Variants in UNC13C observed in about 807,000 individuals in gnomAD.
UNC13C encodes the protein protein unc-13 homolog C.
Under a neutral mutation model 245.4 loss-of-function variants are expected in UNC13C, and 174 were observed. The observed-to-expected ratio is 0.71, with a 90% CI of 0.63 to 0.80. The LOEUF is 0.80. Among genes scored for constraint, UNC13C ranks in the 30% least tolerant of loss-of-function variants. UNC13C has a pLI of 0.00. For missense variants in UNC13C, 2,829 were observed against 2,602.9 expected (o/e 1.09, Z -1.89); for synonymous variants, 992 against 895.1 (o/e 1.11, Z -1.93).
chr15:53,891,562 A>G, the UNC13C span, among the ~76,000 whole-genome samples: 3 of 152,184 alleles, frequency 2.0e-5, no homozygotes, highest in Non-Finnish European at 4.4e-5. Flanking sequence ...GTACATATAT[A>G]TTTAAGATAG....
At position 54,358,269 on chromosome 15, in the gene UNC13C, T is replaced by C. The variant is rs527660808; in HGVS notation, c.4713+19780T>C. 5.3e-5 allele frequency among the ~76,000 whole-genome samples: 8 copies of C among 152,244 alleles called. No individual in the cohort carries two copies. The East Asian group carries it at 1.4e-3, about 26-fold the overall frequency. On this transcript the variant is annotated intron_variant, in intron 17 of 32. Coordinates refer to ENST00000260323, the MANE Select transcript of UNC13C (RefSeq NM_001080534.3). ...AGGTAGTATGATGCCTCCAGCTTCA[T>C]TCTTTTTGATTAAAATTGCTTTGGA...
intron 4 of UNC13C, among the ~76,000 whole-genome samples, chr15:54,224,249 G>A (rs2035310432): frequency 6.6e-6 from 1 of 152,060 alleles, no homozygotes; most frequent in Non-Finnish European, 1.5e-5. Context: ...TCCCCATTCA[G>A]TATGTTACTA....
At chr15:54,142,916 A>G in intron 2 of UNC13C, 102 bp from the exon 3 acceptor site, 2 of 1,014,274 alleles carry the variant, frequency 2.0e-6, no homozygotes, top group South Asian at 1.4e-5. Context: ...ATAATTTTAA[A>G]CAATGTAACA....
the UNC13C span, among the ~76,000 whole-genome samples, chr15:53,880,127 A>G: frequency 1.1e-4 from 17 of 152,168 alleles, no homozygotes; most frequent in African/African-American, 3.9e-4. Context: ...ATAATTCTGC[A>G]TTATTAAATG....
At chr15:54,277,692 T>C (rs1353629408) in intron 10 of UNC13C, among the ~76,000 whole-genome samples, 1 of 152,184 alleles carries the variant, frequency 6.6e-6, no homozygotes, top group Non-Finnish European at 1.5e-5. Flanking sequence ...CTTTAATAAA[T>C]ATTTAATTTT....
intron 19 of UNC13C, among the ~76,000 whole-genome samples, chr15:54,447,604 G>A (rs1245415612): frequency 2.6e-5 from 4 of 152,038 alleles, no homozygotes; most frequent in East Asian, 1.9e-4. Context: ...TATTTCTGTG[G>A]GATCGATGGT....
At chr15:54,362,505 T>C (rs1157359221) in intron 17 of UNC13C, among the ~76,000 whole-genome samples, 1 of 152,202 alleles carries the variant, frequency 6.6e-6, no homozygotes, top group Non-Finnish European at 1.5e-5. Flanking sequence ...AATTATATTT[T>C]TGTGGGAGTA....
the UNC13C span, chr15:53,914,032 G>A: frequency 6.6e-6 from 1 of 150,950 alleles, no homozygotes; most frequent in East Asian, 1.9e-4. Flanking sequence ...GTATGTGATG[G>A]GCTTGTGTGC....
chr15:54,170,088 T>A (rs2033337626), intron 4 of UNC13C, among the ~76,000 whole-genome samples: 1 of 151,632 alleles, frequency 6.6e-6, no homozygotes. Flanking sequence ...ATTTAAACAT[T>A]GAATGCTATC....
rs1038108559 is a variant in UNC13C at position 54,189,078 on chromosome 15, T to C, written c.3071+45394T>C. Among the ~76,000 whole-genome samples the C allele has an allele frequency of 5.3e-5, 8 of 152,126 alleles. No individual in the cohort carries two copies. The East Asian group carries it at 1.5e-3, about 29-fold the overall frequency. On this transcript the variant is annotated intron_variant, in intron 4 of 32. Transcript: ENST00000260323. Reference sequence around the variant, plus strand: ...CAACTACTGGTAGATAATTCAGAGATTTATGCACCAAAAATAATAAAATAG... The same window carrying C: ...CAACTACTGGTAGATAATTCAGAGACTTATGCACCAAAAATAATAAAATAG...
chr15:54,037,318 C>T (rs1285999226), intron 2 of UNC13C, among the ~76,000 whole-genome samples: 2 of 152,166 alleles, frequency 1.3e-5, no homozygotes, highest in Non-Finnish European at 2.9e-5. Flanking sequence ...GTTTTTTCCA[C>T]CCTGAGCATC....
At chr15:53,913,538 T>C in the UNC13C span, 1 of 152,276 alleles carries the variant, frequency 6.6e-6, no homozygotes, top group Non-Finnish European at 1.5e-5. Context: ...ATGGCAGGAA[T>C]GGCTACAATC....
At chr15:54,163,764 T>A (rs2033062456) in intron 4 of UNC13C, among the ~76,000 whole-genome samples, 1 of 152,232 alleles carries the variant, frequency 6.6e-6, no homozygotes, top group African/African-American at 2.4e-5. Context: ...CCATCTTTTT[T>A]GTAATCATGA....
intron 4 of UNC13C, among the ~76,000 whole-genome samples, chr15:54,183,819 C>T (rs939730676): frequency 6.7e-6 from 1 of 149,508 alleles, no homozygotes; most frequent in Non-Finnish European, 1.5e-5. Context: ...TAGAATAAGG[C>T]TAAGTCTCAA....
chr15:54,179,928 A>G (rs900741290), intron 4 of UNC13C, among the ~76,000 whole-genome samples: 2 of 152,126 alleles, frequency 1.3e-5, no homozygotes, highest in East Asian at 1.9e-4. Context: ...GCAATAAAAC[A>G]TAAGGTTAAT....
At chr15:53,881,416 G>A in the UNC13C span, among the ~76,000 whole-genome samples, 1 of 152,166 alleles carries the variant, frequency 6.6e-6, no homozygotes, top group South Asian at 2.1e-4. Flanking sequence ...CTTCTGATTT[G>A]AAGACACTTG....
At chr15:54,048,636 G>T in intron 2 of UNC13C, 1 of 360,926 alleles carries the variant, frequency 2.8e-6, no homozygotes, top group Non-Finnish European at 5.6e-6. Context: ...ATTTTGATTA[G>T]CAACTGCCAT....
chr15:53,940,900 A>G, the UNC13C span, among the ~76,000 whole-genome samples: 19 of 151,788 alleles, frequency 1.3e-4, no homozygotes, highest in Non-Finnish European at 2.1e-4. Context: ...AAAGTAATTT[A>G]TCAATGCTAT....
chr15:54,564,646 A>G (rs1897430806), intron 29 of UNC13C, among the ~76,000 whole-genome samples: 1 of 152,016 alleles, frequency 6.6e-6, no homozygotes, highest in Non-Finnish European at 1.5e-5. Context: ...ATCATATTTC[A>G]TGGAACACTT....
Sources: gnomAD v4.1 joint callset for allele counts (sites outside exome capture counted in the v4.1 genomes callset) on GRCh38, gnomAD v4.1.1 for gene constraint, MANE v1.5 for transcripts, NCBI Gene and HGNC (gene_info 2026-07-23, HGNC 2026-07-21) for gene names.